Variants in INPP4A observed in about 807,000 individuals in gnomAD.
INPP4A encodes the protein inositol polyphosphate-4-phosphatase, type I, 107kD.
A neutral mutation model predicts 119.8 loss-of-function variants in INPP4A; 33 were observed. The ratio of observed to expected loss-of-function variants is 0.28; its 90% CI spans 0.21 to 0.37. INPP4A has a LOEUF of 0.37. INPP4A is among the 10% of genes least tolerant of loss of function. INPP4A has a pLI of 1.00. For missense variants in INPP4A, 956 were observed against 1,289.9 expected (o/e 0.74, Z 3.97); for synonymous variants, 496 against 500.7 (o/e 0.99, Z 0.12).
intron 10 of INPP4A, among the ~76,000 whole-genome samples, chr2:98,541,053 C>T (rs189524979): frequency 5.3e-5 from 8 of 152,338 alleles, no homozygotes; most frequent in Admixed American, 1.3e-4. Flanking sequence ...AGAGGCCAGG[C>T]GCAGTGGCTC....
At chr2:98,476,563 G>T (rs988771998) in intron 1 of INPP4A, among the ~76,000 whole-genome samples, 2 of 152,196 alleles carry the variant, frequency 1.3e-5, no homozygotes, top group Non-Finnish European at 2.9e-5. Flanking sequence ...GCCCTGGGGT[G>T]TGTGTGGGGA....
At chr2:98,541,771 G>A (rs1691515718) in intron 10 of INPP4A, among the ~76,000 whole-genome samples, 1 of 152,188 alleles carries the variant, frequency 6.6e-6, no homozygotes, top group Non-Finnish European at 1.5e-5. Context: ...TTGTTGTAGA[G>A]ACAGGGTCTT....
intron 1 of INPP4A, among the ~76,000 whole-genome samples, chr2:98,496,460 A>G (rs192728866): frequency 1.1e-4 from 16 of 152,338 alleles, no homozygotes; most frequent in Admixed American, 2.0e-4. Flanking sequence ...GGACATTGGT[A>G]CGGGCAAGGC....
intron 1 of INPP4A, among the ~76,000 whole-genome samples, chr2:98,457,361 C>G (rs1399663346): frequency 6.6e-6 from 1 of 152,094 alleles, no homozygotes; most frequent in Admixed American, 6.5e-5. Flanking sequence ...AGTTTGATAC[C>G]AGCCTGGTCG....
chr2:98,539,652 C>T lies in INPP4A; in HGVS notation c.795C>T (p.Leu265=). ...SLHVPRQFVK[L]LLEEDAARVC... ...ACGTGCCCCGGCAGTTCGTGAAGCT[C>T]CTACTAGAGGAAGATGCAGCCAGGT... Residue 265 remains leucine, a synonymous_variant, in exon 10 of 25, where the codon CTC becomes CTT. Coordinates refer to ENST00000409851, the MANE Select transcript of INPP4A (RefSeq NM_001134225.2). 6.2e-7 allele frequency: 1 copy of T among 1,609,418 alleles called. No individual in the cohort carries two copies. The highest frequency in any genetic ancestry group is 2.3e-5 in the East Asian group (1 of 44,378).
At chr2:98,512,552 G>A (rs1306267343) in intron 1 of INPP4A, among the ~76,000 whole-genome samples, 2 of 152,254 alleles carry the variant, frequency 1.3e-5, no homozygotes, top group African/African-American at 4.8e-5. Context: ...TGGAAGAGTG[G>A]AAGGTGGAAG....
At chr2:98,488,455 T>G (rs1679996018) in intron 1 of INPP4A, among the ~76,000 whole-genome samples, 1 of 152,210 alleles carries the variant, frequency 6.6e-6, no homozygotes, top group Non-Finnish European at 1.5e-5. Context: ...ACCCACACAG[T>G]TTTCTAGTTG....
Position 98,539,459 on chromosome 2 carries a change from A to T in INPP4A, c.671-69A>T. On this transcript the variant is annotated intron_variant, in intron 9 of 24. Transcript: ENST00000409851. ...TGTCACCATCCCTGAGGGCCGGGGGAGGAGAACCCATGAGGCAGGTCTGCA... is the reference window on the plus strand; with the variant it reads ...TGTCACCATCCCTGAGGGCCGGGGGTGGAGAACCCATGAGGCAGGTCTGCA... The T allele has an allele frequency of 2.0e-6, 3 of 1,524,250 alleles. 1 individual carries two copies. The South Asian group carries it at 3.7e-5, about 19-fold the overall frequency. The allele number at this position is 1,524,250 out of a possible 1,614,324, so 94.4% of individuals were successfully genotyped here. A position where few individuals can be genotyped will look rare whatever the true frequency, so the allele number is the denominator to read the frequency against.
At chr2:98,584,232 C>T (rs1359480567) in intron 24 of INPP4A, among the ~76,000 whole-genome samples, 1 of 152,232 alleles carries the variant, frequency 6.6e-6, no homozygotes, top group Admixed American at 6.5e-5. Context: ...CTAAGACCAT[C>T]TTGTTTGCTT....
chr2:98,571,761 A>AGCAGGGGCT (rs1697495422), intron 22 of INPP4A: 1 of 152,456 alleles, frequency 6.6e-6, no homozygotes, highest in African/African-American at 2.4e-5. Context: ...TATTCATTAA[A>AGCAGGGGCT]GCAGGGGCTG....
chr2:98,588,634 C>T lies in INPP4A; in HGVS notation c.*1026C>T, dbSNP rs992543999. 1 of 223,642 alleles carries T rather than the reference C, an allele frequency of 4.5e-6. No homozygotes were observed. Among genetic ancestry groups the T allele is most frequent in the African/African-American group, 2.2e-5 (1 of 44,744 alleles). 13.9% of individuals were successfully genotyped at this position (223,642 alleles called of 1,614,324 possible). ...TTATTCTCATTCTTATGTAAGATGA[C>T]TATTGAGAAACAGTTGAAATTTATT... On this transcript the variant is annotated 3_prime_UTR_variant, in exon 25 of 25. Coordinates refer to ENST00000409851, the MANE Select transcript of INPP4A (RefSeq NM_001134225.2).
At position 98,591,806 on chromosome 2, in the gene INPP4A, C is replaced by T. The variant is rs1252950317; in HGVS notation, c.*4198C>T. The T allele has an allele frequency of 1.3e-5, 2 of 152,202 alleles. No individual in the cohort carries two copies. Among genetic ancestry groups the T allele is most frequent in the Non-Finnish European group, 2.9e-5 (2 of 68,044 alleles). 9.4% of individuals were successfully genotyped at this position (152,202 alleles called of 1,614,324 possible). On this transcript the variant is annotated 3_prime_UTR_variant, in exon 25 of 25. Transcript: ENST00000409851. ...GGAGGTTACTTCATTGTACATTGTT[C>T]TACTGCATAACCTCCCTCTATTCTT...
At chr2:98,550,917 T>C (rs887859180) in intron 13 of INPP4A, among the ~76,000 whole-genome samples, 6 of 151,778 alleles carry the variant, frequency 4.0e-5, no homozygotes, top group African/African-American at 1.5e-4. Flanking sequence ...ATTTTATATA[T>C]GTACTCTAAA....
intron 1 of INPP4A, among the ~76,000 whole-genome samples, chr2:98,464,590 G>C (rs1030397148): frequency 6.6e-6 from 1 of 152,218 alleles, no homozygotes; most frequent in African/African-American, 2.4e-5. Flanking sequence ...AGAGTTCTCA[G>C]TTCCCATGTC....
intron 18 of INPP4A, 136 bp from the exon 19 acceptor site, chr2:98,564,504 G>A: frequency 3.7e-6 from 4 of 1,084,156 alleles, no homozygotes; most frequent in African/African-American, 1.6e-5. Flanking sequence ...GGCTTCTCAA[G>A]GGATGGGAGG....
intron 24 of INPP4A, chr2:98,581,502 GTCT>G (rs1699299611): frequency 2.1e-6 from 3 of 1,398,652 alleles, no homozygotes; most frequent in South Asian, 3.0e-5. Flanking sequence ...CATCGCATGT[GTCT>G]TCTTTTTTTC....
Position 98,496,156 on chromosome 2 carries a change from C to A in INPP4A, c.-165-22808C>A, listed in dbSNP as rs188932511. On this transcript the variant is annotated intron_variant, in intron 1 of 24. Coordinates refer to ENST00000409851, the MANE Select transcript of INPP4A (RefSeq NM_001134225.2). ...CAAAGGGAGGAGGGTATAAATGAGA[C>A]ATGTCCAACCTCCTCTTCCCATCAT... is the stretch of plus-strand genomic sequence containing the variant. Among the ~76,000 whole-genome samples, 10 of 152,226 alleles carry A rather than the reference C, an allele frequency of 6.6e-5. No homozygotes were observed. In the East Asian group the frequency reaches 1.9e-3, roughly 29 times the overall value.
chr2:98,540,778 G>A (rs949862558), intron 10 of INPP4A, among the ~76,000 whole-genome samples: 1 of 152,084 alleles, frequency 6.6e-6, no homozygotes, highest in Non-Finnish European at 1.5e-5. Flanking sequence ...CATTCATGAG[G>A]GCAGAGCCCT....
At chr2:98,494,974 G>A (rs1352882847) in intron 1 of INPP4A, among the ~76,000 whole-genome samples, 2 of 152,178 alleles carry the variant, frequency 1.3e-5, no homozygotes, top group Non-Finnish European at 2.9e-5. Flanking sequence ...GAGAATGTGT[G>A]TTCACTCAAG....
Sources: allele counts gnomAD v4.1 joint callset (sites outside exome capture counted in the v4.1 genomes callset), GRCh38; gene constraint gnomAD v4.1.1; transcripts MANE v1.5; gene names NCBI Gene and HGNC (gene_info 2026-07-23, HGNC 2026-07-21).